The following TMTC2 variants were observed in gnomAD, a reference collection of about 807,000 sequenced individuals.
TMTC2 encodes transmembrane O-mannosyltransferase targeting cadherins 2, also known as protein O-mannosyl-transferase TMTC2.
TMTC2 carries 43 observed loss-of-function variants against 82.4 expected under a neutral mutation model. The observed-to-expected ratio is 0.52, with a 90% confidence interval of 0.41 to 0.67. The LOEUF (loss-of-function observed/expected upper bound fraction) is 0.67, where lower values mean the gene tolerates loss of function less well. TMTC2 is among the 30% of genes least tolerant of loss of function. TMTC2 has a pLI of 0.00. For missense variants in TMTC2, 919 were observed against 1,012.4 expected (o/e 0.91, Z 1.25); for synonymous variants, 408 against 381.9 (o/e 1.07, Z -0.80).
At chr12:82,892,410 A>G (rs1873443526) in intron 2 of TMTC2, among the ~76,000 whole-genome samples, 1 of 152,212 alleles carries the variant, frequency 6.6e-6, no homozygotes, top group South Asian at 2.1e-4. Flanking sequence ...AATAAATGCA[A>G]TAATATGACC....
intron 11 of TMTC2, among the ~76,000 whole-genome samples, chr12:83,103,492 G>A (rs1884294760): frequency 6.6e-6 from 1 of 152,118 alleles, no homozygotes; most frequent in East Asian, 1.9e-4. Flanking sequence ...GCAGGAGAGA[G>A]TGAGAGTGAG....
chr12:82,885,942 G>A (rs1344681787), intron 2 of TMTC2, among the ~76,000 whole-genome samples: 1 of 152,110 alleles, frequency 6.6e-6, no homozygotes. Context: ...TTTGAGGTTG[G>A]AGAATATATA....
At chr12:82,872,071 A>T (rs1322173668) in intron 2 of TMTC2, among the ~76,000 whole-genome samples, 2 of 150,276 alleles carry the variant, frequency 1.3e-5, no homozygotes, top group Non-Finnish European at 3.0e-5. Flanking sequence ...AAAGTAAAAA[A>T]ATAGCCAGAT....
chr12:82,957,311 G>A (rs936673756), intron 4 of TMTC2, among the ~76,000 whole-genome samples: 2 of 152,030 alleles, frequency 1.3e-5, no homozygotes, highest in African/African-American at 4.8e-5. Flanking sequence ...AATTAAAACA[G>A]AAATCAAAAT....
At chr12:82,869,510 GA>G (rs1872055238) in intron 2 of TMTC2, among the ~76,000 whole-genome samples, 1 of 151,968 alleles carries the variant, frequency 6.6e-6, no homozygotes, top group Admixed American at 6.6e-5. Flanking sequence ...TGGTATACTA[GA>G]AACCATTTGT....
intron 1 of TMTC2, among the ~76,000 whole-genome samples, chr12:82,791,024 C>T (rs1318099063): frequency 6.6e-6 from 1 of 152,022 alleles, no homozygotes; most frequent in Non-Finnish European, 1.5e-5. Flanking sequence ...TGAGCATCAT[C>T]TCTGGGCTTC....
intron 1 of TMTC2, among the ~76,000 whole-genome samples, chr12:82,720,138 G>A (rs1874135609): frequency 6.6e-6 from 1 of 151,912 alleles, no homozygotes; most frequent in South Asian, 2.1e-4. Flanking sequence ...ATATTCACAG[G>A]TGTCTGTGAC....
chr12:82,835,198 A>C (rs758436364), intron 1 of TMTC2, among the ~76,000 whole-genome samples: 2 of 152,170 alleles, frequency 1.3e-5, no homozygotes, highest in Non-Finnish European at 2.9e-5. Flanking sequence ...TATTATCACT[A>C]TTAGTCCTGA....
At chr12:82,859,092 G>A (rs1390804031) in intron 2 of TMTC2, among the ~76,000 whole-genome samples, 3 of 146,740 alleles carry the variant, frequency 2.0e-5, no homozygotes, top group East Asian at 2.0e-4. Context: ...TTTTTGACGC[G>A]GAGTCTCACA....
chr12:82,813,042 A>C, intron 1 of TMTC2, among the ~76,000 whole-genome samples: 1 of 152,078 alleles, frequency 6.6e-6, no homozygotes, highest in East Asian at 1.9e-4. Context: ...TTACATATGT[A>C]TATATGGATC....
chr12:82,863,894 G>C (rs1871679199), intron 2 of TMTC2, among the ~76,000 whole-genome samples: 1 of 152,154 alleles, frequency 6.6e-6, no homozygotes, highest in Non-Finnish European at 1.5e-5. Flanking sequence ...ATTCAAGCTG[G>C]GAAGTGGTGA....
chr12:82,876,731 T>C (rs1383537992), intron 2 of TMTC2, among the ~76,000 whole-genome samples: 1 of 152,234 alleles, frequency 6.6e-6, no homozygotes, highest in East Asian at 1.9e-4. Flanking sequence ...GTTTTGTTTT[T>C]TGCAACGATT....
intron 4 of TMTC2, among the ~76,000 whole-genome samples, chr12:82,933,552 T>A (rs1876155651): frequency 6.6e-6 from 1 of 152,202 alleles, no homozygotes; most frequent in Non-Finnish European, 1.5e-5. Context: ...CTAGGACACA[T>A]AACGTGATAA....
rs548739411 is a variant in TMTC2 at position 82,963,656 on chromosome 12, G to T, written c.1599-1368G>T. Among the ~76,000 whole-genome samples the T allele has an allele frequency of 2.0e-5, 3 of 149,876 alleles. No individual in the cohort carries two copies. The Admixed American group carries it at 2.0e-4, about 10-fold the overall frequency. ...CTCTTTATCAATTTTACCCATGTTT[G>T]AATAAAACTGACCATTTCCACAAAT... On this transcript the variant is annotated intron_variant, in intron 4 of 11. Transcript: ENST00000321196.
At chr12:82,781,737 C>T (rs1301981366) in intron 1 of TMTC2, among the ~76,000 whole-genome samples, 7 of 130,118 alleles carry the variant, frequency 5.4e-5, no homozygotes, top group Non-Finnish European at 7.8e-5. Flanking sequence ...AAGTGAAAGG[C>T]GGCTTAGAGG....
intron 11 of TMTC2, among the ~76,000 whole-genome samples, chr12:83,119,602 A>G (rs1041588457): frequency 2.0e-5 from 3 of 152,150 alleles, no homozygotes; most frequent in Non-Finnish European, 4.4e-5. Flanking sequence ...CTGCTGTTGA[A>G]TACAATGTAT....
chr12:82,730,525 CTAGT>C (rs1294789885), intron 1 of TMTC2, among the ~76,000 whole-genome samples: 4 of 152,114 alleles, frequency 2.6e-5, no homozygotes, highest in Non-Finnish European at 5.9e-5. Context: ...AACATTGACT[CTAGT>C]TAGATTTGTG....
intron 1 of TMTC2, among the ~76,000 whole-genome samples, chr12:82,818,136 A>G (rs1868860171): frequency 6.6e-6 from 1 of 152,066 alleles, no homozygotes; most frequent in African/African-American, 2.4e-5. Context: ...ATGGAGCCAT[A>G]CCATTTGGAC....
At chr12:83,048,037 G>A (rs1353589471) in intron 9 of TMTC2, among the ~76,000 whole-genome samples, 1 of 152,058 alleles carries the variant, frequency 6.6e-6, no homozygotes, top group Non-Finnish European at 1.5e-5. Context: ...GCCTGTAAAG[G>A]AAAAGAACAA....
Sources: allele counts gnomAD v4.1 joint callset (sites outside exome capture counted in the v4.1 genomes callset), GRCh38; gene constraint gnomAD v4.1.1; transcripts MANE v1.5; gene names NCBI Gene and HGNC (gene_info 2026-07-23, HGNC 2026-07-21).